The following FNDC1 variants were observed in gnomAD, a reference collection of about 807,000 sequenced individuals.
FNDC1 encodes fibronectin type III domain-containing protein 1.
Under a neutral mutation model 168.0 loss-of-function variants are expected in FNDC1, and 96 were observed. The observed-to-expected ratio is 0.57, with a 90% CI of 0.48 to 0.68. The LOEUF is 0.68. Ranked by LOEUF, FNDC1 falls within the 30% of genes least tolerant of loss-of-function variation. The probability of loss-of-function intolerance (pLI) is 0.00; values close to 1 mark genes in which losing one functional copy is unlikely to be tolerated. For synonymous variants in FNDC1, 1,099 were observed against 1,025.9 expected, an observed-to-expected ratio of 1.07 and a Z score of -1.36; for missense variants, 2,587 against 2,482.1, an observed-to-expected ratio of 1.04 and a Z score of -0.90.
chr6:159,177,897 G>A (rs1233358219), intron 1 of FNDC1, among the ~76,000 whole-genome samples: 2 of 152,166 alleles, frequency 1.3e-5, no homozygotes, highest in East Asian at 1.9e-4. Context: ...AAGGTCGGTG[G>A]TTTGGACTTC....
At chr6:159,207,787 A>G (rs1405491045) in intron 4 of FNDC1, among the ~76,000 whole-genome samples, 1 of 152,232 alleles carries the variant, frequency 6.6e-6, no homozygotes, top group African/African-American at 2.4e-5. Flanking sequence ...TGCATTACTT[A>G]CCATTCTATT....
At position 159,199,847 on chromosome 6, in the gene FNDC1, G is replaced by A. The variant is rs1403759808; in HGVS notation, c.305-149G>A. ...AGTGATTTTAATTTAAAAAAAGAGA[G>A]ACATCTATCATTATGCTTGTCACTG... is the stretch of plus-strand genomic sequence containing the variant. On this transcript the variant is annotated intron_variant, in intron 2 of 22. Transcript: ENST00000297267. The A allele has an allele frequency of 2.1e-5, 13 of 627,656 alleles. No homozygotes were observed. The East Asian group carries it at 3.3e-4, about 16-fold the overall frequency. 38.9% of individuals were successfully genotyped at this position (627,656 alleles called of 1,614,324 possible).
intron 1 of FNDC1, among the ~76,000 whole-genome samples, chr6:159,189,595 C>T (rs1782086927): frequency 6.6e-6 from 1 of 152,174 alleles, no homozygotes; most frequent in African/African-American, 2.4e-5. Context: ...AGAAACGGCA[C>T]CGATTTCAGT....
chr6:159,234,845 T>C (rs1216810399), intron 11 of FNDC1, among the ~76,000 whole-genome samples: 1 of 152,280 alleles, frequency 6.6e-6, no homozygotes, highest in Admixed American at 6.5e-5. Context: ...CATACACTCT[T>C]AACCTGTGAA....
chr6:159,202,068 C>A (rs1782392240), intron 4 of FNDC1, among the ~76,000 whole-genome samples: 1 of 152,180 alleles, frequency 6.6e-6, no homozygotes, highest in Non-Finnish European at 1.5e-5. Flanking sequence ...GATTATTGAA[C>A]TTCTATCTGC....
At chr6:159,259,706 A>G (rs1777446162) in intron 18 of FNDC1, among the ~76,000 whole-genome samples, 1 of 152,256 alleles carries the variant, frequency 6.6e-6, no homozygotes, top group African/African-American at 2.4e-5. Context: ...ACTGCATAAA[A>G]GTACATGTAA....
intron 5 of FNDC1, among the ~76,000 whole-genome samples, chr6:159,221,009 C>T (rs1782811569): frequency 2.0e-5 from 3 of 152,190 alleles, no homozygotes. Flanking sequence ...CTGAAAGAAC[C>T]ATCCAGAAAT....
intron 1 of FNDC1, among the ~76,000 whole-genome samples, chr6:159,193,423 C>T (rs1394355031): frequency 6.6e-6 from 1 of 152,150 alleles, no homozygotes. Context: ...TTGGAGACTC[C>T]TGGATTTGAT....
intron 20 of FNDC1, 145 bp from the exon 21 acceptor site, chr6:159,265,939 C>T: frequency 1.1e-6 from 1 of 889,648 alleles, no homozygotes; most frequent in Non-Finnish European, 1.6e-6. Context: ...AACAAACAAA[C>T]AAACAACAAC....
intron 1 of FNDC1, among the ~76,000 whole-genome samples, chr6:159,170,703 G>A (rs981550714): frequency 6.6e-6 from 1 of 152,112 alleles, no homozygotes; most frequent in Admixed American, 6.5e-5. Flanking sequence ...GAAAAGTTGG[G>A]GATCACATTA....
chr6:159,267,957 C>T (rs1379343621), intron 22 of FNDC1, 31 bp downstream of exon 22: 2 of 1,592,984 alleles, frequency 1.3e-6, no homozygotes. Context: ...ATATATTATC[C>T]TAGGAGGTGG....
In FNDC1 at chr6:159,233,692, C is replaced by T. The variant is rs1251784681; in HGVS notation, c.3180C>T (p.Ser1060=). 1 of 1,549,660 alleles carries T rather than the reference C, an allele frequency of 6.5e-7. No homozygotes were observed. Among genetic ancestry groups the T allele is most frequent in the Middle Eastern group, 1.7e-4 (1 of 5,992 alleles). ...HSSSDPYTAS[S]RGMLPTALQN... is the part of the protein sequence containing the mutation. ...CCTCGGACCCTTACACGGCGAGCTC[C>T]AGAGGGATGCTCCCCACGGCCCTCC... The change falls in exon 11 of 23, where the codon TCC becomes TCT. Residue 1060 remains serine (S), a synonymous_variant. Transcript: ENST00000297267. This position sits in a 1 kb window ranked among gnomAD's most constrained non-coding sequence, Gnocchi z 4.6.
At chr6:159,258,423 A>T (rs1777417693) in intron 18 of FNDC1, among the ~76,000 whole-genome samples, 1 of 152,158 alleles carries the variant, frequency 6.6e-6, no homozygotes, top group Non-Finnish European at 1.5e-5. Flanking sequence ...GAGTCATATG[A>T]GGTTCTCTGG....
intron 4 of FNDC1, among the ~76,000 whole-genome samples, chr6:159,203,918 G>A (rs1368975365): frequency 6.6e-6 from 1 of 152,106 alleles, no homozygotes; most frequent in African/African-American, 2.4e-5. Context: ...TTAGGTTCTG[G>A]TTAAGTATAG....
chr6:159,178,799 G>GGAA (rs965128913), intron 1 of FNDC1, among the ~76,000 whole-genome samples: 3 of 151,474 alleles, frequency 2.0e-5, no homozygotes, highest in African/African-American at 7.3e-5. Context: ...GGCATCTCAG[G>GGAA]GAAGTGCGGC....
chr6:159,242,377 G>A (rs145519749), intron 14 of FNDC1, among the ~76,000 whole-genome samples: 32 of 152,254 alleles, frequency 2.1e-4, no homozygotes, highest in South Asian at 8.3e-4. Context: ...AATAGCTAAT[G>A]CATGCAGGGC....
rs79414857 is a variant in FNDC1 at position 159,187,466 on chromosome 6, T to A, written c.110-9965T>A. ...GGGTTTGATTTTATTTTTTGTACAG[T>A]TATCCTTAAAGAACCCAATGCCAAC... On this transcript the variant is annotated intron_variant, in intron 1 of 22. Coordinates refer to ENST00000297267, the MANE Select transcript of FNDC1 (RefSeq NM_032532.3). Among the ~76,000 whole-genome samples the A allele has an allele frequency of 1.4e-4, 22 of 152,276 alleles. No individual in the cohort carries two copies. The East Asian group carries it at 4.2e-3, about 29-fold the overall frequency.
rs1220891350 is a variant in FNDC1 at position 159,269,297 on chromosome 6, C to CTAACT, written c.5569+1371_5569+1372insTAACT. Among the ~76,000 whole-genome samples the CTAACT allele has an allele frequency of 3.4e-4, 26 of 75,370 alleles. 4 individuals carry two copies. The highest frequency in any genetic ancestry group is 9.0e-4 in the South Asian group (2 of 2,218). 49.4% of individuals were successfully genotyped at this position (75,370 alleles called of 152,430 possible). A position where few individuals can be genotyped will look rare whatever the true frequency, so the allele number is the denominator to read the frequency against. On this transcript the variant is annotated intron_variant, in intron 22 of 22. Coordinates refer to ENST00000297267, the MANE Select transcript of FNDC1 (RefSeq NM_032532.3). ...CTATCTATCTATCTATCTATCCATC[C>CTAACT]ATCCATCTATCCTATCTATTTATCT...
At chr6:159,187,860 C>T (rs536460204) in intron 1 of FNDC1, among the ~76,000 whole-genome samples, 6 of 152,206 alleles carry the variant, frequency 3.9e-5, no homozygotes, top group Admixed American at 6.5e-5. Context: ...TGTCCTGTAT[C>T]GTATGAATGA....
Sources: gnomAD v4.1 joint callset for allele counts (sites outside exome capture counted in the v4.1 genomes callset) on GRCh38, gnomAD v4.1.1 for gene constraint, Gnocchi (gnomAD v3.1) non-coding constraint, MANE v1.5 for transcripts, NCBI Gene and HGNC (gene_info 2026-07-23, HGNC 2026-07-21) for gene names.